SEC31B: variants seen among roughly 807,000 people sequenced by gnomAD.
SEC31B encodes the protein SEC31 homolog B, COPII component.
Under a neutral mutation model 135.0 loss-of-function variants are expected in SEC31B, and 113 were observed. That is an observed-to-expected ratio of 0.84 (90% CI 0.72 to 0.98). The LOEUF (loss-of-function observed/expected upper bound fraction) is 0.98, where lower values mean the gene tolerates loss of function less well. Among genes scored for constraint, SEC31B ranks in the 50% least tolerant of loss-of-function variants. The pLI, the probability that SEC31B is intolerant of heterozygous loss-of-function variation, is 0.00. For synonymous variants in SEC31B, 508 were observed against 549.4 expected (o/e 0.92, Z 1.05); for missense variants, 1,296 against 1,421.1 (o/e 0.91, Z 1.42).
Position 100,489,683 on chromosome 10 carries a change from G to A in SEC31B, c.3024+20C>T, listed in dbSNP as rs760542557. ...CATTGGTGAATGTGCGAGGGAGTGG[G>A]TAGGGAAAGATGCATTGACCTTGTT... is the stretch of plus-strand genomic sequence containing the variant. On this transcript the variant is annotated intron_variant, in intron 22 of 25. Coordinates refer to ENST00000370345, the MANE Select transcript of SEC31B (RefSeq NM_015490.4). The A allele has an allele frequency of 5.6e-6, 9 of 1,614,062 alleles. No homozygotes were observed. The Admixed American group carries it at 8.3e-5, about 15-fold the overall frequency.
intron 9 of SEC31B, 64 bp downstream of exon 9, chr10:100,505,976 T>C: frequency 6.2e-7 from 1 of 1,605,108 alleles, no homozygotes; most frequent in Non-Finnish European, 8.5e-7. Context: ...TCAAGCCATA[T>C]GTCTCTCTCC....
chr10:100,503,887 C>A (rs1031590132), intron 10 of SEC31B, among the ~76,000 whole-genome samples: 2 of 152,080 alleles, frequency 1.3e-5, no homozygotes, highest in Non-Finnish European at 2.9e-5. Context: ...TACTCCCTAA[C>A]TATTCACCAT....
In SEC31B at chr10:100,508,049, C is replaced by A. The variant is rs780003876; in HGVS notation, c.498G>T (p.Gln166His). 10 of 1,614,186 alleles carry A rather than the reference C, an allele frequency of 6.2e-6. No homozygotes were observed. The highest frequency in any genetic ancestry group is 8.5e-6 in the Non-Finnish European group (10 of 1,180,020). ...VPMTLGSKSQ[Q>H]PPEDIKALSW... The stretch of plus-strand genomic sequence containing the variant: ...ACAGTGCCTTGATGTCCTCTGGAGG[C>A]TGCTAAGGCAGGATGGGGACAGAAA... The change falls in exon 6 of 26, where the codon CAG becomes CAT. Residue 166 changes from glutamine to histidine, a missense_variant and splice_region_variant. Gln to His is a conservative substitution (Grantham distance 24). Coordinates refer to ENST00000370345, the MANE Select transcript of SEC31B (RefSeq NM_015490.4).
chr10:100,499,390 A>G (rs1189451927), intron 12 of SEC31B, 132 bp from the exon 13 acceptor site: 1 of 1,108,124 alleles, frequency 9.0e-7, no homozygotes, highest in Non-Finnish European at 1.3e-6. Context: ...TGAGAAAAAA[A>G]CAAACTCCAG....
intron 14 of SEC31B, 112 bp from the exon 15 acceptor site, chr10:100,498,319 C>T (rs1233793202): frequency 1.9e-6 from 2 of 1,044,900 alleles, no homozygotes; most frequent in Non-Finnish European, 2.8e-6. Flanking sequence ...GTGTGCTTGG[C>T]TCCAAACTAA....
intron 11 of SEC31B, among the ~76,000 whole-genome samples, chr10:100,499,881 A>G (rs1326524372): frequency 6.6e-6 from 1 of 152,228 alleles, no homozygotes; most frequent in Non-Finnish European, 1.5e-5. Context: ...GTAAAATGTC[A>G]GCTGTTCCTA....
At chr10:100,499,428 T>C in intron 12 of SEC31B, 96 bp downstream of exon 12, 4 of 1,158,494 alleles carry the variant, frequency 3.5e-6, no homozygotes, top group Non-Finnish European at 5.1e-6. Flanking sequence ...TATGCAATAA[T>C]AAGGCCAGGA....
chr10:100,506,170 C>T lies in SEC31B; in HGVS notation c.914G>A (p.Trp305Ter), dbSNP rs1851626987. The T allele has an allele frequency of 6.2e-7, 1 of 1,614,220 alleles. No homozygotes were observed. Among genetic ancestry groups the T allele is most frequent in the Non-Finnish European group, 8.5e-7 (1 of 1,180,046 alleles). Reference sequence around the variant, plus strand: ...AGGGCACCACTGCACATCAAAGCACCAGCTGCTCTGTGTTGGTAGCTTATA... The same window carrying T: ...AGGGCACCACTGCACATCAAAGCACTAGCTGCTCTGTGTTGGTAGCTTATA... ...VVYKLPTQSSWCFDVQWCPRD... is the reference protein window; with the variant it reads ...VVYKLPTQSS Residue 305 changes from tryptophan to a stop codon, truncating the protein, a stop_gained, in exon 9 of 26, where the codon TGG becomes TAG. Coordinates refer to ENST00000370345, the MANE Select transcript of SEC31B (RefSeq NM_015490.4). LOFTEE classifies it high-confidence loss of function.
At chr10:100,514,959 C>T (rs529598873) in intron 3 of SEC31B, among the ~76,000 whole-genome samples, 26 of 134,332 alleles carry the variant, frequency 1.9e-4, no homozygotes, top group East Asian at 6.3e-4. Flanking sequence ...CCAGACTGGG[C>T]GAGAGAGTGA....
intron 7 of SEC31B, 46 bp from the exon 8 acceptor site, chr10:100,506,466 T>TCATAGTAGGC: frequency 2.6e-6 from 4 of 1,566,248 alleles, no homozygotes; most frequent in African/African-American, 1.3e-5. Flanking sequence ...GAATGCCTAC[T>TCATAGTAGGC]ATGAGTAGGG....
chr10:100,518,943 G>A (rs1452629145), intron 1 of SEC31B, among the ~76,000 whole-genome samples: 1 of 152,196 alleles, frequency 6.6e-6, no homozygotes, highest in Non-Finnish European at 1.5e-5. Flanking sequence ...GCTGGTCACA[G>A]CCATTTTAAT....
chr10:100,507,534 T>C lies in SEC31B; in HGVS notation c.673A>G (p.Ile225Val), dbSNP rs1468588183. 3 of 1,614,108 alleles carry C rather than the reference T, an allele frequency of 1.9e-6. No homozygotes were observed. The highest frequency in any genetic ancestry group is 2.2e-5 in the East Asian group (1 of 44,902). ...GAGCACAGCACTAACTGGGTGGCTA[T>C]GTCAGGATGCCAGGCCAGGCCTGAG... ...HCSGLAWHPDIATQLVLCSED... is the reference protein window; with the variant it reads ...HCSGLAWHPDVATQLVLCSED... The change falls in exon 7 of 26, where the codon ATA (isoleucine) becomes GTA (valine). Residue 225 changes from isoleucine to valine, a missense_variant. Ile to Val is a conservative substitution (Grantham distance 29). Coordinates refer to ENST00000370345, the MANE Select transcript of SEC31B (RefSeq NM_015490.4).
At chr10:100,489,459 G>A in intron 22 of SEC31B, 61 bp from the exon 23 acceptor site, 1 of 1,578,280 alleles carries the variant, frequency 6.3e-7, no homozygotes, top group Non-Finnish European at 8.6e-7. Context: ...TCTGGTTTTG[G>A]GGAGTGGCAG....
At chr10:100,500,039 C>G (rs768118507) in intron 11 of SEC31B, 5 of 456,472 alleles carry the variant, frequency 1.1e-5, no homozygotes, top group Non-Finnish European at 2.2e-5. Flanking sequence ...GGAAGCTATG[C>G]TTTTAGAATT....
intron 1 of SEC31B, among the ~76,000 whole-genome samples, chr10:100,518,583 T>C (rs1851890334): frequency 1.3e-5 from 2 of 152,254 alleles, no homozygotes; most frequent in African/African-American, 4.8e-5. Context: ...AAAGCTCGAA[T>C]GTGGACATCC....
chr10:100,511,041 T>A (rs1158177109), intron 3 of SEC31B, among the ~76,000 whole-genome samples: 1 of 152,084 alleles, frequency 6.6e-6, no homozygotes, highest in African/African-American at 2.4e-5. Context: ...TGCAGCGACC[T>A]CAGCATGGTC....
In SEC31B at chr10:100,487,761, A is replaced by T; in HGVS notation, c.3395T>A (p.Val1132Asp). The part of the protein sequence containing the change: ...SPHVVAGLHE[V>D]ARCVDAGSFE... ...GCTTCCTGCATCCACACATCGGGCA[A>T]CCTCATGGAGCCCAGCCACGACATG... is the stretch of plus-strand genomic sequence containing the variant. Residue 1132 changes from valine to aspartate, a missense_variant, in exon 26 of 26, where the codon GTT becomes GAT. Coordinates refer to ENST00000370345, the MANE Select transcript of SEC31B (RefSeq NM_015490.4). 1 of 1,614,030 alleles carries T rather than the reference A, an allele frequency of 6.2e-7. No individual in the cohort carries two copies. The highest frequency in any genetic ancestry group is 1.1e-5 in the South Asian group (1 of 91,050).
At chr10:100,511,258 C>T (rs954676483) in intron 3 of SEC31B, among the ~76,000 whole-genome samples, 4 of 152,198 alleles carry the variant, frequency 2.6e-5, no homozygotes, top group Non-Finnish European at 5.9e-5. Context: ...GTAAAGCTGG[C>T]GCCTGAATAG....
intron 17 of SEC31B, among the ~76,000 whole-genome samples, chr10:100,496,791 C>A (rs1851418477): frequency 6.6e-6 from 1 of 152,264 alleles, no homozygotes; most frequent in Non-Finnish European, 1.5e-5. Context: ...GTGACCCCCA[C>A]TTTCTGTGGT....
Sources: allele counts gnomAD v4.1 joint callset (sites outside exome capture counted in the v4.1 genomes callset), GRCh38; gene constraint gnomAD v4.1.1; transcripts MANE v1.5; gene names NCBI Gene and HGNC (gene_info 2026-07-23, HGNC 2026-07-21).